The following EPHA6 variants were observed in gnomAD, a reference collection of about 807,000 sequenced individuals.
EPHA6 encodes EPH receptor A6, also known as ephrin type-A receptor 6.
A neutral mutation model predicts 112.0 loss-of-function variants in EPHA6; 50 were observed. The observed-to-expected ratio is 0.45, with a 90% CI of 0.36 to 0.56. The LOEUF (loss-of-function observed/expected upper bound fraction) is 0.56, where lower values mean the gene tolerates loss of function less well. EPHA6 is among the 20% of genes least tolerant of loss of function. The probability of loss-of-function intolerance (pLI) is 0.00; values close to 1 mark genes in which losing one functional copy is unlikely to be tolerated. For missense variants in EPHA6, 1,280 were observed against 1,417.4 expected (o/e 0.90, Z 1.56); for synonymous variants, 529 against 490.7 (o/e 1.08, Z -1.03).
chr3:97,423,248 GA>G (rs1385231935), intron 6 of EPHA6, among the ~76,000 whole-genome samples: 1 of 152,150 alleles, frequency 6.6e-6, no homozygotes, highest in Non-Finnish European at 1.5e-5. Flanking sequence ...TTTATAGCCA[GA>G]AAACCCCATA....
intron 3 of EPHA6, among the ~76,000 whole-genome samples, chr3:96,996,358 A>G (rs568277442): frequency 7.9e-5 from 12 of 151,296 alleles, no homozygotes; most frequent in Middle Eastern, 3.4e-3. Flanking sequence ...CCCATGAATC[A>G]CAGATGTTCT....
chr3:97,007,424 GT>G (rs1206495552), intron 3 of EPHA6, among the ~76,000 whole-genome samples: 2 of 84,838 alleles, frequency 2.4e-5, no homozygotes, highest in African/African-American at 9.0e-5. Flanking sequence ...TAGGATTGCG[GT>G]CCCTGCTTTT....
At chr3:97,097,549 C>A (rs2047277763) in intron 3 of EPHA6, among the ~76,000 whole-genome samples, 1 of 146,826 alleles carries the variant, frequency 6.8e-6, no homozygotes, top group South Asian at 2.1e-4. Flanking sequence ...CACATTGGTT[C>A]TTTTTTTTTT....
intron 12 of EPHA6, among the ~76,000 whole-genome samples, chr3:97,602,193 A>G (rs1167829063): frequency 1.3e-5 from 2 of 152,050 alleles, no homozygotes; most frequent in Non-Finnish European, 2.9e-5. Flanking sequence ...ATATTAATAT[A>G]ATATAAAACA....
chr3:97,727,014 T>C (rs1239735900), intron 15 of EPHA6, among the ~76,000 whole-genome samples: 2 of 152,076 alleles, frequency 1.3e-5, no homozygotes, highest in Non-Finnish European at 2.9e-5. Flanking sequence ...CATGATGCTG[T>C]TAAAAAATAA....
At chr3:97,029,097 A>G (rs2044737973) in intron 3 of EPHA6, among the ~76,000 whole-genome samples, 1 of 151,686 alleles carries the variant, frequency 6.6e-6, no homozygotes, top group East Asian at 1.9e-4. Context: ...AAATAACAAT[A>G]AAATTCTAAT....
At chr3:96,831,024 C>T (rs1377536612) in intron 1 of EPHA6, among the ~76,000 whole-genome samples, 1 of 151,970 alleles carries the variant, frequency 6.6e-6, no homozygotes, top group African/African-American at 2.4e-5. Context: ...TAATGTTGTA[C>T]ATGATAAATA....
chr3:97,118,250 T>C (rs1208511280), intron 3 of EPHA6, among the ~76,000 whole-genome samples: 1 of 151,858 alleles, frequency 6.6e-6, no homozygotes, highest in African/African-American at 2.4e-5. Flanking sequence ...ATAATCTGTG[T>C]GCATGTTACC....
chr3:97,145,915 T>G (rs2108363213), intron 3 of EPHA6, among the ~76,000 whole-genome samples: 1 of 151,740 alleles, frequency 6.6e-6, no homozygotes, highest in East Asian at 1.9e-4. Flanking sequence ...GTATCTAGTA[T>G]TCATATTTAC....
intron 2 of EPHA6, among the ~76,000 whole-genome samples, chr3:96,941,387 G>C (rs910937908): frequency 6.6e-6 from 1 of 151,926 alleles, no homozygotes; most frequent in Non-Finnish European, 1.5e-5. Flanking sequence ...CCAGTTGATC[G>C]CATCGGCTCC....
chr3:97,064,777 A>G (rs1213941099), intron 3 of EPHA6, among the ~76,000 whole-genome samples: 1 of 152,126 alleles, frequency 6.6e-6, no homozygotes, highest in African/African-American at 2.4e-5. Flanking sequence ...TGTGTTAATT[A>G]CATATGAGGG....
chr3:97,100,646 C>T (rs955546287), intron 3 of EPHA6, among the ~76,000 whole-genome samples: 4 of 151,784 alleles, frequency 2.6e-5, no homozygotes, highest in Non-Finnish European at 4.4e-5. Flanking sequence ...AGGAACAAGA[C>T]AGGATAACTG....
intron 1 of EPHA6, among the ~76,000 whole-genome samples, chr3:96,859,404 C>T (rs2035883988): frequency 7.1e-6 from 1 of 140,488 alleles, no homozygotes; most frequent in Admixed American, 7.4e-5. Flanking sequence ...TTTTTTGAGA[C>T]AGGGTCTTGT....
At chr3:97,126,911 A>G (rs1415609861) in intron 3 of EPHA6, among the ~76,000 whole-genome samples, 1 of 151,676 alleles carries the variant, frequency 6.6e-6, no homozygotes, top group Non-Finnish European at 1.5e-5. Flanking sequence ...AAAAAAAAAA[A>G]GAACACTTAG....
intron 3 of EPHA6, among the ~76,000 whole-genome samples, chr3:97,026,364 A>G (rs1198936409): frequency 1.3e-5 from 2 of 152,146 alleles, no homozygotes; most frequent in African/African-American, 2.4e-5. Context: ...TTTGGGCAAT[A>G]TGGCCGTTTT....
At chr3:97,260,231 G>A (rs2079455640) in intron 5 of EPHA6, among the ~76,000 whole-genome samples, 1 of 152,226 alleles carries the variant, frequency 6.6e-6, no homozygotes, top group Admixed American at 6.5e-5. Flanking sequence ...AGGAAGAATA[G>A]CATTTGGGTT....
intron 5 of EPHA6, among the ~76,000 whole-genome samples, chr3:97,278,795 G>A (rs185654291): frequency 3.3e-5 from 5 of 152,250 alleles, no homozygotes; most frequent in East Asian, 3.9e-4. Flanking sequence ...TGATTTAGGG[G>A]TATTGGCCTG....
At chr3:96,828,151 G>GA (rs975732796) in intron 1 of EPHA6, among the ~76,000 whole-genome samples, 1 of 151,454 alleles carries the variant, frequency 6.6e-6, no homozygotes, top group Non-Finnish European at 1.5e-5. Flanking sequence ...CCTGCAAAAA[G>GA]AAAAAAGAAA....
intron 3 of EPHA6, among the ~76,000 whole-genome samples, chr3:97,049,373 T>G (rs1454537987): frequency 6.6e-6 from 1 of 152,216 alleles, no homozygotes; most frequent in Non-Finnish European, 1.5e-5. Context: ...CCTGGCAATT[T>G]AATTTGGAAC....
Sources: allele counts gnomAD v4.1 joint callset (sites outside exome capture counted in the v4.1 genomes callset), GRCh38; gene constraint gnomAD v4.1.1; transcripts MANE v1.5; gene names NCBI Gene and HGNC (gene_info 2026-07-23, HGNC 2026-07-21).